Variants in LGR5 observed in about 807,000 individuals in gnomAD.
The protein encoded by LGR5 is leucine rich repeat containing G protein-coupled receptor 5.
A neutral mutation model predicts 76.7 loss-of-function variants in LGR5; 54 were observed. The observed-to-expected ratio is 0.70, with a 90% CI of 0.57 to 0.88. The LOEUF (loss-of-function observed/expected upper bound fraction) is 0.88, where lower values mean the gene tolerates loss of function less well. Among genes scored for constraint, LGR5 ranks in the 40% least tolerant of loss-of-function variants. The pLI, the probability that LGR5 is intolerant of heterozygous loss-of-function variation, is 0.00. For synonymous variants in LGR5, 406 were observed against 421.9 expected (o/e 0.96, Z 0.46); for missense variants, 1,078 against 1,073.3 (o/e 1.00, Z -0.06).
At chr12:71,566,571 A>C in intron 9 of LGR5, 61 bp from the exon 10 acceptor site, 21 of 1,537,678 alleles carry the variant, frequency 1.4e-5, no homozygotes, top group Non-Finnish European at 1.9e-5. Context: ...TGAAAATGGC[A>C]ATAAAAATTA....
intron 2 of LGR5, among the ~76,000 whole-genome samples, chr12:71,505,396 C>T (rs546331567): frequency 3.3e-5 from 5 of 152,320 alleles, no homozygotes; most frequent in Admixed American, 1.3e-4. Flanking sequence ...GATCCTCTTA[C>T]GCTTTTGAAT....
chr12:71,576,390 A>G (rs1383911907), intron 13 of LGR5, among the ~76,000 whole-genome samples: 1 of 152,138 alleles, frequency 6.6e-6, no homozygotes, highest in Non-Finnish European at 1.5e-5. Flanking sequence ...CAGGACAAAG[A>G]AAGAGCTTAA....
chr12:71,471,923 T>C (rs1837186047), intron 1 of LGR5, among the ~76,000 whole-genome samples: 1 of 152,208 alleles, frequency 6.6e-6, no homozygotes, highest in Non-Finnish European at 1.5e-5. Flanking sequence ...AACAACATAT[T>C]CTAACATACT....
intron 1 of LGR5, among the ~76,000 whole-genome samples, chr12:71,473,261 A>G (rs779214134): frequency 4.5e-4 from 68 of 152,334 alleles, no homozygotes; most frequent in Middle Eastern, 6.8e-3. Flanking sequence ...TTGAGTGAAT[A>G]AATAAGTGAA....
chr12:71,488,203 T>A (rs901772943), intron 1 of LGR5, among the ~76,000 whole-genome samples: 1 of 152,184 alleles, frequency 6.6e-6, no homozygotes, highest in Non-Finnish European at 1.5e-5. Context: ...GAGTACAAGT[T>A]TGAACATTTT....
chr12:71,483,808 C>T (rs1873712933), intron 1 of LGR5, among the ~76,000 whole-genome samples: 2 of 151,888 alleles, frequency 1.3e-5, no homozygotes, highest in South Asian at 4.2e-4. Context: ...AAGTGCTTAG[C>T]ATAAATAACA....
At chr12:71,454,868 T>C (rs1182392399) in intron 1 of LGR5, among the ~76,000 whole-genome samples, 1 of 148,228 alleles carries the variant, frequency 6.7e-6, no homozygotes, top group Non-Finnish European at 1.5e-5. Flanking sequence ...ATTGTGGAAA[T>C]ACCCTCAAAA....
intron 1 of LGR5, among the ~76,000 whole-genome samples, chr12:71,502,785 A>G (rs1419559135): frequency 6.6e-6 from 1 of 152,230 alleles, no homozygotes; most frequent in Admixed American, 6.5e-5. Flanking sequence ...CATAAGCCTC[A>G]CTTCCAGGTG....
At chr12:71,574,978 G>A (rs1292984304) in intron 13 of LGR5, among the ~76,000 whole-genome samples, 1 of 152,114 alleles carries the variant, frequency 6.6e-6, no homozygotes, top group Non-Finnish European at 1.5e-5. Context: ...CTAGCCCAGG[G>A]TCTAGTGCAG....
chr12:71,448,247 A>G (rs1313480387), intron 1 of LGR5, among the ~76,000 whole-genome samples: 2 of 152,198 alleles, frequency 1.3e-5, no homozygotes, highest in Non-Finnish European at 2.9e-5. Flanking sequence ...ACCTTGATTA[A>G]GTGGAGCAGA....
chr12:71,554,247 C>A (rs980572931), intron 5 of LGR5, among the ~76,000 whole-genome samples: 1 of 152,074 alleles, frequency 6.6e-6, no homozygotes, highest in African/African-American at 2.4e-5. Flanking sequence ...TTTGTTGGGT[C>A]AGGGATGAAA....
intron 1 of LGR5, among the ~76,000 whole-genome samples, chr12:71,471,255 C>T (rs1873090785): frequency 6.6e-6 from 1 of 152,078 alleles, no homozygotes; most frequent in Non-Finnish European, 1.5e-5. Context: ...CAAATGTCCA[C>T]CAACTGATGA....
intron 1 of LGR5, among the ~76,000 whole-genome samples, chr12:71,472,523 G>T (rs1873145825): frequency 6.6e-6 from 1 of 152,158 alleles, no homozygotes; most frequent in Admixed American, 6.5e-5. Context: ...AGGGAGAGCT[G>T]CCCCAATAGA....
At chr12:71,478,079 T>A (rs1873418862) in intron 1 of LGR5, among the ~76,000 whole-genome samples, 1 of 152,218 alleles carries the variant, frequency 6.6e-6, no homozygotes, top group Non-Finnish European at 1.5e-5. Context: ...TAATTGATTT[T>A]ACATTGGATA....
Position 71,534,674 on chromosome 12 carries a change from T to A in LGR5, c.357-441T>A, listed in dbSNP as rs565764262. On this transcript the variant is annotated intron_variant, in intron 3 of 17. Coordinates refer to ENST00000266674, the MANE Select transcript of LGR5 (RefSeq NM_003667.4). ...TCATTCCTCAGAAACAGTTGGTCCT[T>A]TGCTGCTCCTTTAACAAGTCAAGCA... 2.6e-5 allele frequency among the ~76,000 whole-genome samples: 4 copies of A among 152,320 alleles called. No homozygotes were observed. The South Asian group carries it at 8.3e-4, about 32-fold the overall frequency.
intron 1 of LGR5, among the ~76,000 whole-genome samples, chr12:71,493,336 A>G (rs535808945): frequency 6.6e-6 from 1 of 151,398 alleles, no homozygotes; most frequent in East Asian, 1.9e-4. Context: ...TATTATGTGT[A>G]TAAACTGATA....
rs1435183382 is a variant in LGR5, at chr12:71,440,763, G to A, written c.212+471G>A. On this transcript the variant is annotated intron_variant, in intron 1 of 17. Transcript: ENST00000266674. The surrounding 1 kb of genome is among the most constrained non-coding windows in gnomAD (Gnocchi z 5.3). ...GAAACAACTTGCCCAGCTCCAAAGG[G>A]TTTTTAGTCTGCATCCCTTGCACTG... Among the ~76,000 whole-genome samples, 1 of 152,186 alleles carries A rather than the reference G, an allele frequency of 6.6e-6. No homozygotes were observed. Among genetic ancestry groups the A allele is most frequent in the South Asian group, 2.1e-4 (1 of 4,826 alleles).
intron 4 of LGR5, among the ~76,000 whole-genome samples, chr12:71,548,754 G>A (rs1447821755): frequency 6.6e-6 from 1 of 151,668 alleles, no homozygotes; most frequent in African/African-American, 2.4e-5. Flanking sequence ...TTCTAGAATT[G>A]GCTGGAACCT....
At chr12:71,565,748 T>C (rs990436949) in intron 8 of LGR5, among the ~76,000 whole-genome samples, 4 of 151,674 alleles carry the variant, frequency 2.6e-5, no homozygotes, top group African/African-American at 9.7e-5. Flanking sequence ...TTGAGTTTAA[T>C]TGGACTAGAA....
Sources: allele counts gnomAD v4.1 joint callset (sites outside exome capture counted in the v4.1 genomes callset), GRCh38; gene constraint gnomAD v4.1.1; non-coding constraint Gnocchi (gnomAD v3.1); transcripts MANE v1.5; gene names NCBI Gene and HGNC (gene_info 2026-07-23, HGNC 2026-07-21).